The following DPYS variants were observed in gnomAD, a reference collection of about 807,000 sequenced individuals.
DPYS encodes the protein dihydropyrimidine amidohydrolase.
A neutral mutation model predicts 50.3 loss-of-function variants in DPYS; 39 were observed. The observed-to-expected ratio is 0.78, with a 90% CI of 0.60 to 1.01. DPYS has a LOEUF of 1.01. Among genes scored for constraint, DPYS ranks in the 50% least tolerant of loss-of-function variants. The probability of loss-of-function intolerance (pLI) is 0.00; values close to 1 mark genes in which losing one functional copy is unlikely to be tolerated. For synonymous variants in DPYS, 245 were observed against 250.7 expected (o/e 0.98, Z 0.22); for missense variants, 659 against 680.9 (o/e 0.97, Z 0.36).
intron 1 of DPYS, among the ~76,000 whole-genome samples, chr8:104,463,529 T>C (rs1286063594): frequency 6.6e-6 from 1 of 152,236 alleles, no homozygotes; most frequent in Non-Finnish European, 1.5e-5. Context: ...CAGGCAGTAC[T>C]AAATTTGAAG....
intron 8 of DPYS, among the ~76,000 whole-genome samples, chr8:104,386,749 T>C (rs116300481): frequency 0.01 from 1,575 of 151,890 alleles, 42 homozygotes; most frequent in African/African-American, 0.036. Context: ...TGCCTTAGCC[T>C]CCCAAGAAAC....
At position 104,424,403 on chromosome 8, in the gene DPYS, C is replaced by A; in HGVS notation, c.1093-14G>T. On this transcript the variant is annotated splice_polypyrimidine_tract_variant and intron_variant, in intron 6 of 9. Coordinates refer to ENST00000351513, the MANE Select transcript of DPYS (RefSeq NM_001385.3). ...TTTACCACTATGCTGTAAAGCAATTCAAAGAATCATTCTAATGATCAAATA... is the reference window on the plus strand; with the variant it reads ...TTTACCACTATGCTGTAAAGCAATTAAAAGAATCATTCTAATGATCAAATA... 1.9e-6 allele frequency: 3 copies of A among 1,612,884 alleles called. No individual in the cohort carries two copies. The highest frequency in any genetic ancestry group is 2.5e-6 in the Non-Finnish European group (3 of 1,179,740).
chr8:104,439,773 ACT>A (rs1324499033), intron 4 of DPYS, among the ~76,000 whole-genome samples: 1 of 152,068 alleles, frequency 6.6e-6, no homozygotes, highest in Non-Finnish European at 1.5e-5. Context: ...TGACAGAGAG[ACT>A]CTGTCTCTAA....
intron 7 of DPYS, among the ~76,000 whole-genome samples, chr8:104,400,927 C>T (rs1811777516): frequency 6.6e-6 from 1 of 152,234 alleles, no homozygotes; most frequent in South Asian, 2.1e-4. Context: ...GCCGCGTGCT[C>T]TTACAGATGA....
intron 7 of DPYS, among the ~76,000 whole-genome samples, chr8:104,396,165 C>A (rs755362241): frequency 5.9e-5 from 9 of 152,186 alleles, no homozygotes; most frequent in Non-Finnish European, 1.2e-4. Context: ...CCATTATAAT[C>A]TGCCAAATAT....
intron 1 of DPYS, among the ~76,000 whole-genome samples, chr8:104,451,637 G>C (rs1813747356): frequency 6.6e-6 from 1 of 152,140 alleles, no homozygotes; most frequent in Non-Finnish European, 1.5e-5. Flanking sequence ...TGTCATATCT[G>C]ATAAGATGAA....
At position 104,392,964 on chromosome 8, in the gene DPYS, C is replaced by T. The variant is rs2140521477; in HGVS notation, c.1263G>A (p.Gln421=). The T allele has an allele frequency of 6.2e-7, 1 of 1,614,120 alleles. No homozygotes were observed. The highest frequency in any genetic ancestry group is 1.1e-5 in the South Asian group (1 of 91,084). ...CCTCGAAAATGTTGAAGTTAACAGC[C>T]TGATGATGAGTTTTTGCTGAGATAG... The part of the protein sequence containing the change: ...TRTISAKTHH[Q]AVNFNIFEGM... Residue 421 remains glutamine, a synonymous_variant, in exon 8 of 10, where the codon CAG becomes CAA. Coordinates refer to ENST00000351513, the MANE Select transcript of DPYS (RefSeq NM_001385.3).
chr8:104,404,635 T>C (rs963368451), intron 7 of DPYS, among the ~76,000 whole-genome samples: 4 of 152,252 alleles, frequency 2.6e-5, no homozygotes, highest in African/African-American at 9.6e-5. Flanking sequence ...AGGATGTCCA[T>C]CTGAAGAGAT....
intron 1 of DPYS, among the ~76,000 whole-genome samples, chr8:104,452,175 A>G (rs1471459412): frequency 6.6e-6 from 1 of 152,208 alleles, no homozygotes; most frequent in African/African-American, 2.4e-5. Flanking sequence ...CTTGCAATAT[A>G]CCCCTTAGCA....
In DPYS at chr8:104,393,011, A is replaced by T. The variant is rs1564080886; in HGVS notation, c.1236-20T>A. 1.9e-6 allele frequency: 3 copies of T among 1,611,428 alleles called. No individual in the cohort carries two copies. The highest frequency in any genetic ancestry group is 1.7e-5 in the Admixed American group (1 of 60,010). On this transcript the variant is annotated intron_variant, in intron 7 of 9. Coordinates refer to ENST00000351513, the MANE Select transcript of DPYS (RefSeq NM_001385.3). ...ATAGTCCTATATTTGTGAAAACAACAAAAAAGTTCTGGATCATCACCAGCT... is the reference window on the plus strand; with the variant it reads ...ATAGTCCTATATTTGTGAAAACAACTAAAAAGTTCTGGATCATCACCAGCT...
chr8:104,397,279 G>A (rs1352897715), intron 7 of DPYS, among the ~76,000 whole-genome samples: 3 of 152,188 alleles, frequency 2.0e-5, no homozygotes, highest in Non-Finnish European at 4.4e-5. Context: ...GTATCACATT[G>A]ATCTCTTGAC....
intron 7 of DPYS, among the ~76,000 whole-genome samples, chr8:104,419,256 TA>T (rs1219174994): frequency 1.3e-5 from 2 of 152,354 alleles, no homozygotes; most frequent in South Asian, 4.1e-4. Context: ...CAGTGCTGAA[TA>T]AAATCTTTCT....
rs1564099831 is a variant in DPYS at position 104,429,686 on chromosome 8, C to T, written c.809G>A (p.Gly270Asp). ...GCCAAGACTGGCTGCTATGGGTTCA[C>T]CATAGACCACCTTCCCTGGAAAGAT... is the stretch of plus-strand genomic sequence containing the variant. ...DARRDGKVVYGEPIAASLGTD... is the reference protein window; with the variant it reads ...DARRDGKVVYDEPIAASLGTD... Residue 270 changes from glycine (G) to aspartate (D), a missense_variant, in exon 5 of 10, where the codon GGT becomes GAT. Transcript: ENST00000351513. 9.3e-6 allele frequency: 15 copies of T among 1,613,930 alleles called. No individual in the cohort carries two copies. Among genetic ancestry groups the T allele is most frequent in the East Asian group, 2.2e-5 (1 of 44,892 alleles).
At chr8:104,404,355 C>CT (rs2140553776) in intron 7 of DPYS, among the ~76,000 whole-genome samples, 1 of 152,254 alleles carries the variant, frequency 6.6e-6, no homozygotes, top group East Asian at 1.9e-4. Context: ...TGTACTAGTA[C>CT]TAAGCTTATA....
At chr8:104,454,448 T>A (rs555587536) in intron 1 of DPYS, among the ~76,000 whole-genome samples, 5 of 152,334 alleles carry the variant, frequency 3.3e-5, no homozygotes, top group African/African-American at 1.2e-4. Flanking sequence ...TGCACAATTC[T>A]GTGAACATAC....
At chr8:104,439,461 A>C (rs966961096) in intron 4 of DPYS, among the ~76,000 whole-genome samples, 4 of 152,190 alleles carry the variant, frequency 2.6e-5, no homozygotes, top group African/African-American at 4.8e-5. Context: ...GCCAAAACCC[A>C]AAAACCAATT....
At chr8:104,404,722 A>C (rs1811936590) in intron 7 of DPYS, among the ~76,000 whole-genome samples, 1 of 152,294 alleles carries the variant, frequency 6.6e-6, no homozygotes, top group Admixed American at 6.5e-5. Context: ...CCCGCAGGCC[A>C]AATCTGGCCC....
chr8:104,401,160 A>G lies in DPYS; in HGVS notation c.1236-8169T>C, dbSNP rs562462255. 4.2e-3 allele frequency among the ~76,000 whole-genome samples: 633 copies of G among 152,312 alleles called. 2 individuals carry two copies. The highest frequency in any genetic ancestry group is 8.1e-3 in the Non-Finnish European group (553 of 68,026). ...GTTGCCATGAGAAACAAAAAAAGTTAATAGAATCATGTCAGGATTATTAGT... is the reference window on the plus strand; with the variant it reads ...GTTGCCATGAGAAACAAAAAAAGTTGATAGAATCATGTCAGGATTATTAGT... On this transcript the variant is annotated intron_variant, in intron 7 of 9. Coordinates refer to ENST00000351513, the MANE Select transcript of DPYS (RefSeq NM_001385.3).
chr8:104,466,728 C>G lies in DPYS; in HGVS notation c.193G>C (p.Asp65His). The change falls in exon 1 of 10, where the codon GAC (aspartate) becomes CAC (histidine). Residue 65 changes from aspartate to histidine, a missense_variant. Transcript: ENST00000351513. The stretch of plus-strand genomic sequence containing the variant: ...GGGAACTGCATGTGCGTGTGTGTGT[C>G]GATGCCTCCGGGCAGGACGAGCTTG... ...AGKLVLPGGI[D>H]THTHMQFPFM... 1 of 1,536,004 alleles carries G rather than the reference C, an allele frequency of 6.5e-7. No homozygotes were observed. Among genetic ancestry groups the G allele is most frequent in the Non-Finnish European group, 8.7e-7 (1 of 1,145,686 alleles).
Sources: allele counts gnomAD v4.1 joint callset (sites outside exome capture counted in the v4.1 genomes callset), GRCh38; gene constraint gnomAD v4.1.1; transcripts MANE v1.5; gene names NCBI Gene and HGNC (gene_info 2026-07-23, HGNC 2026-07-21).